CYP19A1: variants seen among roughly 807,000 people sequenced by gnomAD.
The protein encoded by CYP19A1 is cytochrome P450 family 19 subfamily A member 1.
A neutral mutation model predicts 44.4 loss-of-function variants in CYP19A1; 32 were observed. The ratio of observed to expected loss-of-function variants is 0.72; its 90% CI spans 0.54 to 0.97. CYP19A1 has a LOEUF of 0.97. Among genes scored for constraint, CYP19A1 ranks in the 50% least tolerant of loss-of-function variants. CYP19A1 has a pLI of 0.00. For missense variants in CYP19A1, 598 were observed against 637.8 expected, an observed-to-expected ratio of 0.94 and a Z score of 0.67; for synonymous variants, 212 against 215.6, an observed-to-expected ratio of 0.98 and a Z score of 0.14.
rs2030883373 is a variant in CYP19A1, at chr15:51,210,848, A to G, written c.1472T>C (p.Ile491Thr). ...CCTGTCTGAGTTTCTTGGGGTAAAGATCATTTCCAGCATGTTTTTAGTCTC... is the reference window on the plus strand; with the variant it reads ...CCTGTCTGAGTTTCTTGGGGTAAAGGTCATTTCCAGCATGTTTTTAGTCTC... ...PDETKNMLEM[I>T]FTPRNSDRCL... The change falls in exon 10 of 10, where the codon ATC becomes ACC. Residue 491 changes from isoleucine (I) to threonine (T), a missense_variant. Transcript: ENST00000396402. The G allele has an allele frequency of 6.3e-7, 1 of 1,599,180 alleles. No homozygotes were observed.
At position 51,210,415 on chromosome 15, in the gene CYP19A1, A is replaced by G. The variant is rs1197900076; in HGVS notation, c.*393T>C. The G allele has an allele frequency of 3.9e-6, 2 of 511,234 alleles. No individual in the cohort carries two copies. The highest frequency in any genetic ancestry group is 4.4e-5 in the East Asian group (1 of 22,648). 31.7% of individuals were successfully genotyped at this position (511,234 alleles called of 1,614,324 possible). On this transcript the variant is annotated 3_prime_UTR_variant, in exon 10 of 10. Transcript: ENST00000396402. ...GACATTGGCCTGGTCTTTCTAATCA[A>G]CTTGAGTGTTTCTGCCCCAGACATA...
At chr15:51,279,096 C>T (rs2035426859) in intron 1 of CYP19A1, 1 of 152,194 alleles carries the variant, frequency 6.6e-6, no homozygotes, top group South Asian at 2.1e-4. Flanking sequence ...TTTTCTACCT[C>T]CTCCATTCTT....
At chr15:51,248,938 T>C (rs1023140694) in intron 1 of CYP19A1, among the ~76,000 whole-genome samples, 9 of 151,860 alleles carry the variant, frequency 5.9e-5, no homozygotes, top group Non-Finnish European at 5.9e-5. Context: ...TTCATCTTTT[T>C]TTTTTTTTTT....
intron 1 of CYP19A1, among the ~76,000 whole-genome samples, chr15:51,292,211 T>C (rs2035863613): frequency 6.6e-6 from 1 of 152,314 alleles, no homozygotes; most frequent in South Asian, 2.1e-4. Context: ...TCAACCCTGG[T>C]GATAGTCAAA....
chr15:51,215,163 T>G lies in CYP19A1; in HGVS notation c.928A>C (p.Thr310Pro). The change falls in exon 8 of 10, where the codon ACC becomes CCC. Residue 310 changes from threonine (T) to proline (P), a missense_variant. Thr to Pro is a conservative substitution (Grantham distance 38). Coordinates refer to ENST00000396402, the MANE Select transcript of CYP19A1 (RefSeq NM_000103.4). ...ILEMLIAAPD[T>P]MSVSLFFMLF... ...ATGAAGAACAAAGAGACAGACATGG[T>G]GTCAGGAGCTGCGATCAGCATTTCC... 1 of 1,614,116 alleles carries G rather than the reference T, an allele frequency of 6.2e-7. No individual in the cohort carries two copies. The highest frequency in any genetic ancestry group is 8.5e-7 in the Non-Finnish European group (1 of 1,179,990).
At chr15:51,307,012 G>C (rs769473526) in intron 1 of CYP19A1, among the ~76,000 whole-genome samples, 1 of 152,224 alleles carries the variant, frequency 6.6e-6, no homozygotes, top group Non-Finnish European at 1.5e-5. Flanking sequence ...AGTAAACCAG[G>C]TGGTATTCAC....
At position 51,212,558 on chromosome 15, in the gene CYP19A1, TCA is replaced by T; in HGVS notation, c.1023_1024del (p.Asp344HisfsTer4). On this transcript the variant is annotated frameshift_variant and splice_region_variant, in exon 9 of 10. Transcript: ENST00000396402. LOFTEE classifies it high-confidence loss of function. ...TATATCATCAATCTTTATGTCTCTC[TCA>T]CCTGTGGAAACAGATAAAAGGAACA... 2 of 1,475,358 alleles carry T rather than the reference TCA, an allele frequency of 1.4e-6. No homozygotes were observed. The highest frequency in any genetic ancestry group is 1.9e-6 in the Non-Finnish European group (2 of 1,053,270). The allele number at this position is 1,475,358 out of a possible 1,614,324, so 91.4% of individuals were successfully genotyped here. A position where few individuals can be genotyped will look rare whatever the true frequency, so the allele number is the denominator to read the frequency against.
At position 51,212,578 on chromosome 15, in the gene CYP19A1, A is replaced by G; in HGVS notation, c.1022-17T>C. 2.1e-6 allele frequency: 3 copies of G among 1,416,906 alleles called. No homozygotes were observed. The highest frequency in any genetic ancestry group is 2.3e-5 in the South Asian group (2 of 87,070). 87.8% of individuals were successfully genotyped at this position (1,416,906 alleles called of 1,614,324 possible). On this transcript the variant is annotated splice_polypyrimidine_tract_variant and intron_variant, in intron 8 of 9. Transcript: ENST00000396402. ...CTCTCTCACCTGTGGAAACAGATAAAAGGAACAAAGAAGGTAATGTTAGTT... is the reference window on the plus strand; with the variant it reads ...CTCTCTCACCTGTGGAAACAGATAAGAGGAACAAAGAAGGTAATGTTAGTT...
intron 3 of CYP19A1, among the ~76,000 whole-genome samples, chr15:51,231,726 C>A (rs2033051794): frequency 6.6e-6 from 1 of 152,020 alleles, no homozygotes; most frequent in Non-Finnish European, 1.5e-5. Context: ...AATGCTACTG[C>A]ATGTCCCCAG....
rs1038158157 is a variant in CYP19A1 at position 51,315,763 on chromosome 15, G to A, written c.-39+22732C>T. 3 of 152,214 alleles carry A rather than the reference G, an allele frequency of 2.0e-5. No individual in the cohort carries two copies. The South Asian group carries it at 6.2e-4, about 32-fold the overall frequency. 9.4% of individuals were successfully genotyped at this position (152,214 alleles called of 1,614,324 possible). ...ATTCTGGGTGCCAAGGAAAGGAAGTGATTGTTTGCTCTTAGCAAAAAGGCC... is the reference window on the plus strand; with the variant it reads ...ATTCTGGGTGCCAAGGAAAGGAAGTAATTGTTTGCTCTTAGCAAAAAGGCC... On this transcript the variant is annotated intron_variant, in intron 1 of 9. Transcript: ENST00000396402.
At chr15:51,262,022 T>C (rs1566900987) in intron 1 of CYP19A1, among the ~76,000 whole-genome samples, 1 of 152,192 alleles carries the variant, frequency 6.6e-6, no homozygotes, top group South Asian at 2.1e-4. Flanking sequence ...CTCTGCAGCA[T>C]TGTGACATGT....
intron 3 of CYP19A1, 28 bp from the exon 4 acceptor site, chr15:51,227,961 A>T: frequency 7.2e-7 from 1 of 1,380,454 alleles, no homozygotes; most frequent in Non-Finnish European, 1.0e-6. Context: ...TTTGGTGTCA[A>T]TTTTTAAGGG....
At chr15:51,326,482 C>T (rs2036610166) in intron 1 of CYP19A1, among the ~76,000 whole-genome samples, 1 of 152,164 alleles carries the variant, frequency 6.6e-6, no homozygotes, top group South Asian at 2.1e-4. Context: ...GAGAATGTGG[C>T]TCAACTTTAA....
At chr15:51,255,112 G>A (rs2034465802) in intron 1 of CYP19A1, among the ~76,000 whole-genome samples, 1 of 152,164 alleles carries the variant, frequency 6.6e-6, no homozygotes, top group African/African-American at 2.4e-5. Context: ...TGGCCAAGGA[G>A]TGACTTATTC....
chr15:51,287,861 G>A (rs1362609985), intron 1 of CYP19A1, among the ~76,000 whole-genome samples: 3 of 152,224 alleles, frequency 2.0e-5, no homozygotes, highest in Admixed American at 6.5e-5. Context: ...CAGCTGAGTT[G>A]AAGGTGGAAT....
At chr15:51,227,117 A>G (rs1486552262) in intron 4 of CYP19A1, among the ~76,000 whole-genome samples, 1 of 152,146 alleles carries the variant, frequency 6.6e-6, no homozygotes, top group Non-Finnish European at 1.5e-5. Flanking sequence ...TTTTGCCTAT[A>G]AAATTGCTTT....
rs553273606 is a variant in CYP19A1, at chr15:51,317,918, T to TG, written c.-39+20576dup. Among the ~76,000 whole-genome samples, 176 of 152,292 alleles carry TG rather than the reference T, an allele frequency of 1.2e-3. 1 individual carries two copies. Among genetic ancestry groups the TG allele is most frequent in the African/African-American group, 4.0e-3 (165 of 41,568 alleles). ...CAATTCTGTGCTCTTTGAGAGAATC[T>TG]GGGGCAGACGGAGTATAAAGATTTC... On this transcript the variant is annotated intron_variant, in intron 1 of 9. Transcript: ENST00000396402.
rs760668171 is a variant in CYP19A1, at chr15:51,284,068, G to A, written c.-38-41118C>T. On this transcript the variant is annotated intron_variant, in intron 1 of 9. Coordinates refer to ENST00000396402, the MANE Select transcript of CYP19A1 (RefSeq NM_000103.4). Reference sequence around the variant, plus strand: ...AATAATTGACTCTGATTATACCAGAGAAATTCAATTAGTTATTAGTTCCTC... The same window carrying A: ...AATAATTGACTCTGATTATACCAGAAAAATTCAATTAGTTATTAGTTCCTC... Among the ~76,000 whole-genome samples the A allele has an allele frequency of 1.2e-4, 19 of 152,180 alleles. 1 individual carries two copies. The highest frequency in any genetic ancestry group is 2.4e-4 in the Non-Finnish European group (16 of 68,040).
chr15:51,286,785 A>G (rs912491890), intron 1 of CYP19A1, among the ~76,000 whole-genome samples: 2 of 152,216 alleles, frequency 1.3e-5, no homozygotes, highest in African/African-American at 4.8e-5. Context: ...AAAATCACCC[A>G]TAAAGAAATA....
Sources: gnomAD v4.1 joint callset for allele counts (sites outside exome capture counted in the v4.1 genomes callset) on GRCh38, gnomAD v4.1.1 for gene constraint, MANE v1.5 for transcripts, NCBI Gene and HGNC (gene_info 2026-07-23, HGNC 2026-07-21) for gene names.